Variants in NAT2 observed in about 807,000 individuals in gnomAD.
NAT2 encodes the protein arylamine N-acetyltransferase 2.
For synonymous variants in NAT2, 137 were observed against 125.9 expected (o/e 1.09, Z -0.59); for missense variants, 428 against 339.1 (o/e 1.26, Z -2.06).
At chr8:18,391,193 C>G (rs1441977099), upstream of NAT2, 1 of 152,134 alleles carries the variant, frequency 6.6e-6, no homozygotes, top group East Asian at 1.9e-4. Flanking sequence ...TCCCAGAGAT[C>G]CCTGAGGTGA....
chr8:18,397,434 T>A (rs984457561), intron 1 of NAT2, among the ~76,000 whole-genome samples: 5 of 152,114 alleles, frequency 3.3e-5, no homozygotes, highest in Non-Finnish European at 7.4e-5. Context: ...AATAATTTTA[T>A]ATTTTTTTCT....
At chr8:18,387,083 A>AG (rs943939731), upstream of NAT2, 1 of 152,320 alleles carries the variant, frequency 6.6e-6, no homozygotes, top group Admixed American at 6.5e-5. Context: ...GGGTGGGGGA[A>AG]GGGGGGAGCC....
chr8:18,400,784 G>T lies in NAT2; in HGVS notation c.781G>T (p.Glu261Ter). The change falls in exon 2 of 2, where the codon GAA (glutamate) becomes TAA (stop). Residue 261 changes from glutamate (E) to a stop codon, truncating the protein, a stop_gained. Transcript: ENST00000286479. LOFTEE classifies it low-confidence loss of function (END_TRUNC). The stretch of plus-strand genomic sequence containing the variant: ...GGTCGAGTTTAAAACTCTCACTGAG[G>T]AAGAGGTTGAAGAAGTGCTGAGAAA... ...DLVEFKTLTE[E>*]EVEEVLRNIF... The T allele has an allele frequency of 5.0e-6, 8 of 1,612,580 alleles. No individual in the cohort carries two copies. Among genetic ancestry groups the T allele is most frequent in the Non-Finnish European group, 5.9e-6 (7 of 1,179,688 alleles).
At chr8:18,395,088 A>G (rs1459268224) in intron 1 of NAT2, among the ~76,000 whole-genome samples, 2 of 152,220 alleles carry the variant, frequency 1.3e-5, no homozygotes, top group Non-Finnish European at 2.9e-5. Context: ...ATTTCAGTCC[A>G]TGCAATTAAC....
chr8:18,392,574 G>A (rs1350081936), intron 1 of NAT2, among the ~76,000 whole-genome samples: 1 of 152,124 alleles, frequency 6.6e-6, no homozygotes, highest in African/African-American at 2.4e-5. Context: ...ATTGAGGGTG[G>A]GCCTCCCTTT....
At chr8:18,392,261 G>C (rs116267996) in intron 1 of NAT2, among the ~76,000 whole-genome samples, 4,122 of 152,296 alleles carry the variant, frequency 0.027, 76 homozygotes, top group African/African-American at 0.055. Flanking sequence ...TTAAGGAGTA[G>C]TGAGTCACAT....
chr8:18,389,223 G>C (rs1800555112), upstream of NAT2, among the ~76,000 whole-genome samples: 1 of 152,150 alleles, frequency 6.6e-6, no homozygotes, highest in African/African-American at 2.4e-5. Flanking sequence ...GGAGAAAAAT[G>C]ACCATAATCC....
Position 18,400,932 on chromosome 8 carries a change from C to A in NAT2, c.*56C>A. ...TATCACCCAACTCACTAATTATCAA[C>A]TTATGTGCTATCAGATATCCTCTCT... is the stretch of plus-strand genomic sequence containing the variant. On this transcript the variant is annotated 3_prime_UTR_variant, in exon 2 of 2. Coordinates refer to ENST00000286479, the MANE Select transcript of NAT2 (RefSeq NM_000015.3). The A allele has an allele frequency of 7.4e-7, 1 of 1,348,274 alleles. No individual in the cohort carries two copies. Among genetic ancestry groups the A allele is most frequent in the Non-Finnish European group, 1.0e-6 (1 of 991,074 alleles). The allele number at this position is 1,348,274 out of a possible 1,614,324, so 83.5% of individuals were successfully genotyped here.
In NAT2 at chr8:18,400,371, C is replaced by T. The variant is rs1243197391; in HGVS notation, c.368C>T (p.Ala123Val). The T allele has an allele frequency of 3.1e-6, 5 of 1,612,406 alleles. No individual in the cohort carries two copies. Among genetic ancestry groups the T allele is most frequent in the Non-Finnish European group, 4.2e-6 (5 of 1,179,290 alleles). Reference sequence around the variant, plus strand: ...GACGGCAGGAATTACATTGTCGATGCTGGGTCTGGAAGCTCCTCCCAGATG... The same window carrying T: ...GACGGCAGGAATTACATTGTCGATGTTGGGTCTGGAAGCTCCTCCCAGATG... The part of the protein sequence containing the change: ...TIDGRNYIVD[A>V]GSGSSSQMWQ... Residue 123 changes from alanine (A) to valine (V), a missense_variant, in exon 2 of 2, where the codon GCT becomes GTT. Ala to Val is a moderately conservative substitution (Grantham distance 64). Coordinates refer to ENST00000286479, the MANE Select transcript of NAT2 (RefSeq NM_000015.3).
upstream of NAT2, among the ~76,000 whole-genome samples, chr8:18,389,109 G>T (rs1800554127): frequency 6.6e-6 from 1 of 152,096 alleles, no homozygotes; most frequent in South Asian, 2.1e-4. Flanking sequence ...CATCCTCAAG[G>T]ATCTCTGTCA....
intron 1 of NAT2, among the ~76,000 whole-genome samples, chr8:18,395,976 T>C (rs1215949426): frequency 3.3e-5 from 5 of 151,272 alleles, no homozygotes; most frequent in South Asian, 2.1e-4. Flanking sequence ...TTTGCAGTTT[T>C]CTCAAAAGGT....
At chr8:18,392,966 G>C (rs960374616) in intron 1 of NAT2, among the ~76,000 whole-genome samples, 1 of 152,052 alleles carries the variant, frequency 6.6e-6, no homozygotes, top group Admixed American at 6.5e-5. Flanking sequence ...ACTCTCAATC[G>C]CTCTGGATCC....
intron 1 of NAT2, among the ~76,000 whole-genome samples, chr8:18,395,937 C>T (rs559807540): frequency 1.4e-5 from 2 of 145,624 alleles, no homozygotes; most frequent in Non-Finnish European, 3.0e-5. Context: ...ATTTGTCTCT[C>T]TTCCCCAACC....
chr8:18,394,211 G>A (rs1246782301), intron 1 of NAT2, among the ~76,000 whole-genome samples: 1 of 152,206 alleles, frequency 6.6e-6, no homozygotes, highest in Non-Finnish European at 1.5e-5. Flanking sequence ...TCACAAGACA[G>A]TGTCATCAGT....
At position 18,400,265 on chromosome 8, in the gene NAT2, A is replaced by G. The variant is rs774706631; in HGVS notation, c.262A>G (p.Met88Val). 1.2e-6 allele frequency: 2 copies of G among 1,613,298 alleles called. No homozygotes were observed. The highest frequency in any genetic ancestry group is 1.7e-6 in the Non-Finnish European group (2 of 1,179,564). Reference protein sequence around the residue: ...ALTTIGFQTTMLGGYFYIPPV... With the variant: ...ALTTIGFQTTVLGGYFYIPPV... ...GACCACAATCGGTTTTCAGACCACA[A>G]TGTTAGGAGGGTATTTTTACATCCC... The change falls in exon 2 of 2, where the codon ATG (methionine) becomes GTG (valine). Residue 88 changes from methionine to valine, a missense_variant. Transcript: ENST00000286479.
rs1318865257 is a variant in NAT2, at chr8:18,400,626, A to G, written c.623A>G (p.Tyr208Cys). ...TIEDFESMNT[Y>C]LQTSPTSSFI... Reference sequence around the variant, plus strand: ...GAAGATTTTGAGTCTATGAATACATACCTGCAGACGTCTCCAACATCTTCA... The same window carrying G: ...GAAGATTTTGAGTCTATGAATACATGCCTGCAGACGTCTCCAACATCTTCA... The change falls in exon 2 of 2, where the codon TAC becomes TGC. Residue 208 changes from tyrosine (Y) to cysteine (C), a missense_variant. Transcript: ENST00000286479. 6.2e-7 allele frequency: 1 copy of G among 1,614,028 alleles called. No homozygotes were observed. Among genetic ancestry groups the G allele is most frequent in the Non-Finnish European group, 8.5e-7 (1 of 1,179,990 alleles).
intron 1 of NAT2, among the ~76,000 whole-genome samples, chr8:18,394,849 A>T (rs1800658045): frequency 6.6e-6 from 1 of 152,228 alleles, no homozygotes; most frequent in South Asian, 2.1e-4. Context: ...AACTGAATTT[A>T]TGCAAATAAT....
Position 18,400,764 on chromosome 8 carries a change from A to G in NAT2, c.761A>G (p.Glu254Gly). Residue 254 changes from glutamate (E) to glycine (G), a missense_variant, in exon 2 of 2, where the codon GAG becomes GGG. Transcript: ENST00000286479. Reference sequence around the variant, plus strand: ...TATAAAGACAATACAGATCTGGTCGAGTTTAAAACTCTCACTGAGGAAGAG... The same window carrying G: ...TATAAAGACAATACAGATCTGGTCGGGTTTAAAACTCTCACTGAGGAAGAG... ...FNYKDNTDLV[E>G]FKTLTEEEVE... 1 of 1,613,564 alleles carries G rather than the reference A, an allele frequency of 6.2e-7. No individual in the cohort carries two copies. Among genetic ancestry groups the G allele is most frequent in the Non-Finnish European group, 8.5e-7 (1 of 1,179,916 alleles).
At chr8:18,389,124 G>T (rs1359318376), upstream of NAT2, among the ~76,000 whole-genome samples, 1 of 152,158 alleles carries the variant, frequency 6.6e-6, no homozygotes, top group Non-Finnish European at 1.5e-5. Flanking sequence ...CTGTCAAACT[G>T]ACAATAATTA....
Sources: gnomAD v4.1 joint callset for allele counts (sites outside exome capture counted in the v4.1 genomes callset) on GRCh38, gnomAD v4.1.1 for gene constraint, MANE v1.5 for transcripts, NCBI Gene and HGNC (gene_info 2026-07-23, HGNC 2026-07-21) for gene names.